The following PUS7L variants were observed in gnomAD, a reference collection of about 807,000 sequenced individuals.
The protein encoded by PUS7L is pseudouridine synthase 7 like.
A neutral mutation model predicts 51.1 loss-of-function variants in PUS7L; 49 were observed. The ratio of observed to expected loss-of-function variants is 0.96; its 90% confidence interval spans 0.76 to 1.22. PUS7L has a LOEUF of 1.22. PUS7L is among the 50% of genes most tolerant of loss of function. PUS7L has a pLI of 0.00. For synonymous variants in PUS7L, 277 were observed against 276.2 expected (o/e 1.00, Z -0.03); for missense variants, 828 against 820.6 (o/e 1.01, Z -0.11).
rs1360243019 is a variant in PUS7L, at chr12:43,730,052, T to C, written c.*324A>G. ...GGAGGATATGAATATTCACAACTTT[T>C]TTTCTTAAATGTTATCTTGCAGTAT... On this transcript the variant is annotated 3_prime_UTR_variant, in exon 9 of 9. Transcript: ENST00000344862. 1 of 205,266 alleles carries C rather than the reference T, an allele frequency of 4.9e-6. No homozygotes were observed. The highest frequency in any genetic ancestry group is 9.8e-6 in the Non-Finnish European group (1 of 101,988). The allele number at this position is 205,266 out of a possible 1,614,324, so 12.7% of individuals were successfully genotyped here.
intron 1 of PUS7L, 110 bp from the exon 2 acceptor site, chr12:43,755,371 A>G: frequency 1.5e-6 from 1 of 648,360 alleles, no homozygotes; most frequent in South Asian, 2.4e-5. Context: ...TTTAATTCTG[A>G]GTCTTCTTAA....
chr12:43,747,614 A>G (rs1938233069), intron 3 of PUS7L, among the ~76,000 whole-genome samples: 1 of 151,876 alleles, frequency 6.6e-6, no homozygotes, highest in Non-Finnish European at 1.5e-5. Context: ...GAATCGCTTG[A>G]ACTTGGGAGG....
intron 5 of PUS7L, chr12:43,739,300 AAAG>A (rs1207211103): frequency 6.6e-6 from 1 of 152,374 alleles, no homozygotes; most frequent in Non-Finnish European, 1.5e-5. Context: ...GAGCAAAAGT[AAAG>A]AAAATCACTC....
chr12:43,745,827 A>G (rs571607132), intron 4 of PUS7L, among the ~76,000 whole-genome samples: 4 of 151,320 alleles, frequency 2.6e-5, no homozygotes, highest in Non-Finnish European at 5.9e-5. Flanking sequence ...TTTTAAAATC[A>G]TGTTTACATA....
intron 2 of PUS7L, among the ~76,000 whole-genome samples, chr12:43,749,175 C>G (rs1938321484): frequency 6.6e-6 from 1 of 152,196 alleles, no homozygotes; most frequent in South Asian, 2.1e-4. Flanking sequence ...CTTTTCCTGT[C>G]TCCAAGTGCA....
rs1218577379 is a variant in PUS7L, at chr12:43,755,118, C to A, written c.128G>T (p.Gly43Val). 1.2e-6 allele frequency: 2 copies of A among 1,613,636 alleles called. No homozygotes were observed. The highest frequency in any genetic ancestry group is 2.2e-5 in the East Asian group (1 of 44,798). The change falls in exon 2 of 9, where the codon GGA (glycine) becomes GTA (valine). Residue 43 changes from glycine (G) to valine (V), a missense_variant. Coordinates refer to ENST00000344862, the MANE Select transcript of PUS7L (RefSeq NM_031292.5). ...DFIVIEIDEQ[G>V]QLVNKTIDEP... is the part of the protein sequence containing the mutation. ...ATCGATGGTCTTATTAACTAACTGT[C>A]CCTGTTCATCAATTTCAATAACAAT...
intron 2 of PUS7L, among the ~76,000 whole-genome samples, chr12:43,751,735 A>G (rs980599075): frequency 3.0e-4 from 45 of 152,158 alleles, no homozygotes; most frequent in African/African-American, 1.0e-3. Context: ...GCTGGGTCAA[A>G]TGGTATTTCT....
In PUS7L at chr12:43,732,221, C is replaced by T. The variant is rs891941863; in HGVS notation, c.1726-463G>A. Reference sequence around the variant, plus strand: ...CTGTAATTCAGTGCTTTGGGAGGATCGCTTGAGGCCAGCAGTTTGAGACCA... The same window carrying T: ...CTGTAATTCAGTGCTTTGGGAGGATTGCTTGAGGCCAGCAGTTTGAGACCA... On this transcript the variant is annotated intron_variant, in intron 7 of 8. Coordinates refer to ENST00000344862, the MANE Select transcript of PUS7L (RefSeq NM_031292.5). 4.0e-5 allele frequency among the ~76,000 whole-genome samples: 6 copies of T among 151,674 alleles called. No homozygotes were observed. The East Asian group carries it at 7.8e-4, about 20-fold the overall frequency.
chr12:43,754,836 A>G lies in PUS7L; in HGVS notation c.410T>C (p.Leu137Pro). ...TCTTACATCACAGGCAAAATTATTC[A>G]GTAACTCATGAGTTTTTTCATCCAA... is the stretch of plus-strand genomic sequence containing the variant. ...SFLDEKTHELLNNFACDVREK... is the reference protein window; with the variant it reads ...SFLDEKTHELPNNFACDVREK... Residue 137 changes from leucine to proline, a missense_variant, in exon 2 of 9, where the codon CTG becomes CCG. By Grantham distance (98) the Leu-to-Pro change is moderately conservative. Coordinates refer to ENST00000344862, the MANE Select transcript of PUS7L (RefSeq NM_031292.5). 6.2e-7 allele frequency: 1 copy of G among 1,613,722 alleles called. No homozygotes were observed. Among genetic ancestry groups the G allele is most frequent in the South Asian group, 1.1e-5 (1 of 91,050 alleles).
In PUS7L at chr12:43,734,217, T is replaced by C. The variant is rs1279743536; in HGVS notation, c.1725+2164A>G. On this transcript the variant is annotated intron_variant, in intron 7 of 8. Transcript: ENST00000344862. ...CTGAGACTCAATTACACAGCTTTTG[T>C]TGACACTGTTGGGAAAGAAAAATCA... Among the ~76,000 whole-genome samples the C allele has an allele frequency of 2.6e-5, 4 of 152,170 alleles. No homozygotes were observed. In the East Asian group the frequency reaches 5.8e-4, roughly 22 times the overall value.
At chr12:43,756,380 G>A (rs1359388364) in intron 1 of PUS7L, among the ~76,000 whole-genome samples, 1 of 152,120 alleles carries the variant, frequency 6.6e-6, no homozygotes, top group African/African-American at 2.4e-5. Context: ...CTTAGGACCT[G>A]GAGGCTGTAA....
Position 43,729,320 on chromosome 12 carries a change from T to C in PUS7L, c.*1056A>G. On this transcript the variant is annotated 3_prime_UTR_variant, in exon 9 of 9. Coordinates refer to ENST00000344862, the MANE Select transcript of PUS7L (RefSeq NM_031292.5). Reference sequence around the variant, plus strand: ...ATGGTTAAACTGGCTTAAGTATATATATCACATTACTGATATATAATGCTC... The same window carrying C: ...ATGGTTAAACTGGCTTAAGTATATACATCACATTACTGATATATAATGCTC... 1 of 395,812 alleles carries C rather than the reference T, an allele frequency of 2.5e-6. No individual in the cohort carries two copies. Among genetic ancestry groups the C allele is most frequent in the Non-Finnish European group, 4.5e-6 (1 of 224,166 alleles). The allele number at this position is 395,812 out of a possible 1,614,324, so 24.5% of individuals were successfully genotyped here. A position where few individuals can be genotyped will look rare whatever the true frequency, so the allele number is the denominator to read the frequency against.
In PUS7L at chr12:43,719,841, T is replaced by C. The variant is rs1420223646; in HGVS notation, c.*10535A>G. 6.6e-6 allele frequency: 1 copy of C among 152,228 alleles called. No homozygotes were observed. The highest frequency in any genetic ancestry group is 1.5e-5 in the Non-Finnish European group (1 of 68,042). The allele number at this position is 152,228 out of a possible 1,614,324, so 9.4% of individuals were successfully genotyped here. A position where few individuals can be genotyped will look rare whatever the true frequency, so the allele number is the denominator to read the frequency against. On this transcript the variant is annotated 3_prime_UTR_variant, in exon 9 of 9. Coordinates refer to ENST00000344862, the MANE Select transcript of PUS7L (RefSeq NM_031292.5). ...ATGATATTGGTTAGTTGTAACTGCATTATTTCCATCAGTCTCACCACAAGT... is the reference window on the plus strand; with the variant it reads ...ATGATATTGGTTAGTTGTAACTGCACTATTTCCATCAGTCTCACCACAAGT...
intron 6 of PUS7L, among the ~76,000 whole-genome samples, chr12:43,737,421 A>G (rs183295535): frequency 6.6e-6 from 1 of 152,220 alleles, no homozygotes; most frequent in Admixed American, 6.5e-5. Context: ...GAATAGCTGC[A>G]CATATGTAAT....
intron 5 of PUS7L, among the ~76,000 whole-genome samples, chr12:43,738,675 T>G (rs1001836268): frequency 1.3e-5 from 2 of 152,194 alleles, no homozygotes; most frequent in African/African-American, 4.8e-5. Context: ...TTTTTAAATA[T>G]TAAAGTTAAA....
At chr12:43,751,677 T>C (rs1005213789) in intron 2 of PUS7L, among the ~76,000 whole-genome samples, 5 of 152,214 alleles carry the variant, frequency 3.3e-5, no homozygotes, top group Non-Finnish European at 5.9e-5. Flanking sequence ...TGTGTCTTTA[T>C]AGCAGCATGA....
In PUS7L at chr12:43,730,323, C is replaced by T; in HGVS notation, c.*53G>A. On this transcript the variant is annotated 3_prime_UTR_variant, in exon 9 of 9. Coordinates refer to ENST00000344862, the MANE Select transcript of PUS7L (RefSeq NM_031292.5). ...ATGGAAGGTGCTTAAGACATTTTAG[C>T]CCCCTTTCCTTCAAAGAGTGACATA... The T allele has an allele frequency of 7.3e-7, 1 of 1,364,520 alleles. No individual in the cohort carries two copies. Among genetic ancestry groups the T allele is most frequent in the Non-Finnish European group, 1.0e-6 (1 of 975,478 alleles). 84.5% of individuals were successfully genotyped at this position (1,364,520 alleles called of 1,614,324 possible). A position where few individuals can be genotyped will look rare whatever the true frequency, so the allele number is the denominator to read the frequency against.
At chr12:43,748,275 G>T (rs1376394528) in intron 3 of PUS7L, among the ~76,000 whole-genome samples, 175 bp downstream of exon 3, 1 of 151,920 alleles carries the variant, frequency 6.6e-6, no homozygotes, top group African/African-American at 2.4e-5. Context: ...TAAATGTAAG[G>T]ATCCACGATA....
rs1163762431 is a variant in PUS7L at position 43,721,931 on chromosome 12, C to T, written c.*8445G>A. 1 of 152,126 alleles carries T rather than the reference C, an allele frequency of 6.6e-6. No homozygotes were observed. Among genetic ancestry groups the T allele is most frequent in the Non-Finnish European group, 1.5e-5 (1 of 67,986 alleles). 9.4% of individuals were successfully genotyped at this position (152,126 alleles called of 1,614,324 possible). A position where few individuals can be genotyped will look rare whatever the true frequency, so the allele number is the denominator to read the frequency against. ...AAAATGTAGGTGCACAACATATAGT[C>T]TATTCAGTGTTCCCAAGGGAAAAAT... On this transcript the variant is annotated 3_prime_UTR_variant, in exon 9 of 9. Coordinates refer to ENST00000344862, the MANE Select transcript of PUS7L (RefSeq NM_031292.5).
Sources: allele counts gnomAD v4.1 joint callset (sites outside exome capture counted in the v4.1 genomes callset), GRCh38; gene constraint gnomAD v4.1.1; transcripts MANE v1.5; gene names NCBI Gene and HGNC (gene_info 2026-07-23, HGNC 2026-07-21).